CLASP2: variants seen among roughly 807,000 people sequenced by gnomAD.
CLASP2 encodes cytoplasmic linker associated protein 2.
A neutral mutation model predicts 194.4 loss-of-function variants in CLASP2; 47 were observed. The observed-to-expected ratio is 0.24, with a 90% CI of 0.19 to 0.31. CLASP2 has a LOEUF of 0.31. Ranked by LOEUF, CLASP2 falls within the 10% of genes least tolerant of loss-of-function variation. The pLI is 1.00. For missense variants in CLASP2, 1,445 were observed against 1,823.6 expected, an observed-to-expected ratio of 0.79 and a Z score of 3.78; for synonymous variants, 619 against 633.5, an observed-to-expected ratio of 0.98 and a Z score of 0.34.
chr3:33,559,090 A>T (rs4504126), intron 29 of CLASP2: 5 of 645,358 alleles, frequency 7.7e-6, no homozygotes, highest in South Asian at 6.4e-5. Context: ...AGTTAAGAAA[A>T]GAAATAATGC....
intron 13 of CLASP2, among the ~76,000 whole-genome samples, chr3:33,610,650 C>T (rs2074969940): frequency 1.3e-5 from 2 of 152,186 alleles, no homozygotes; most frequent in Admixed American, 1.3e-4. Context: ...TTGTGGACCA[C>T]ATACAGTCTC....
intron 33 of CLASP2, among the ~76,000 whole-genome samples, chr3:33,537,440 G>A (rs2057559319): frequency 6.6e-6 from 1 of 152,192 alleles, no homozygotes; most frequent in Admixed American, 6.5e-5. Flanking sequence ...ACAATGTTCT[G>A]TAACTTTGCA....
chr3:33,585,760 A>G (rs1383592553), intron 21 of CLASP2, among the ~76,000 whole-genome samples: 1 of 152,092 alleles, frequency 6.6e-6, no homozygotes, highest in South Asian at 2.1e-4. Context: ...GACTACTGTC[A>G]CATATGTGGT....
chr3:33,715,657 T>C (rs973352759), intron 1 of CLASP2, among the ~76,000 whole-genome samples: 1 of 152,062 alleles, frequency 6.6e-6, no homozygotes, highest in Non-Finnish European at 1.5e-5. Context: ...ATACCCAGCA[T>C]ACAGGAGGCA....
At chr3:33,560,334 C>G (rs753801753) in intron 28 of CLASP2, among the ~76,000 whole-genome samples, 2 of 151,940 alleles carry the variant, frequency 1.3e-5, no homozygotes, top group Non-Finnish European at 2.9e-5. Context: ...CCTCCACCTC[C>G]CAGGTTCAAG....
chr3:33,515,163 C>T (rs2050943765), intron 36 of CLASP2, among the ~76,000 whole-genome samples: 1 of 152,090 alleles, frequency 6.6e-6, no homozygotes, highest in Non-Finnish European at 1.5e-5. Context: ...TCAGAAATCA[C>T]CACTAAAGAA....
intron 7 of CLASP2, chr3:33,659,272 TATG>T: frequency 8.2e-7 from 1 of 1,218,698 alleles, no homozygotes; most frequent in Non-Finnish European, 1.0e-6. Flanking sequence ...GGATACAGGT[TATG>T]ATGTTTCTCC....
At chr3:33,528,329 C>T (rs2055188718) in intron 34 of CLASP2, among the ~76,000 whole-genome samples, 1 of 152,182 alleles carries the variant, frequency 6.6e-6, no homozygotes. Context: ...CCCACAGCAG[C>T]CAACATTATT....
At chr3:33,659,193 A>G in intron 7 of CLASP2, 1 of 1,356,076 alleles carries the variant, frequency 7.4e-7, no homozygotes, top group South Asian at 2.1e-5. Flanking sequence ...CTTGCTGAAA[A>G]CCCTCGTTTA....
intron 7 of CLASP2, among the ~76,000 whole-genome samples, chr3:33,660,439 A>G (rs941621466): frequency 1.3e-5 from 2 of 152,262 alleles, no homozygotes; most frequent in Non-Finnish European, 2.9e-5. Context: ...AACTCACTTA[A>G]TGACTGTTCA....
Position 33,607,360 on chromosome 3 carries a change from C to T in CLASP2, c.1526+24G>A, listed in dbSNP as rs371075368. 1.2e-5 allele frequency: 18 copies of T among 1,523,820 alleles called. No homozygotes were observed. The African/African-American group carries it at 1.8e-4, about 15-fold the overall frequency. 94.4% of individuals were successfully genotyped at this position (1,523,820 alleles called of 1,614,324 possible). ...TTTTTTAAAAAAGATTAAACTGTCA[C>T]AAAACTATACTACACTGACTTACTT... is the stretch of plus-strand genomic sequence containing the variant. On this transcript the variant is annotated intron_variant, in intron 15 of 38. Transcript: ENST00000682230.
chr3:33,684,290 C>T, intron 6 of CLASP2, 69 bp downstream of exon 6: 4 of 809,326 alleles, frequency 4.9e-6, no homozygotes, highest in East Asian at 2.8e-5. Flanking sequence ...TTGAAATACA[C>T]AAATAAAATG....
At chr3:33,670,328 G>A (rs188006963) in intron 6 of CLASP2, among the ~76,000 whole-genome samples, 2 of 152,298 alleles carry the variant, frequency 1.3e-5, no homozygotes, top group African/African-American at 2.4e-5. Context: ...TACTTCATCT[G>A]TGTGGTGGAT....
chr3:33,657,220 G>A (rs2084405799), intron 7 of CLASP2, among the ~76,000 whole-genome samples: 2 of 152,104 alleles, frequency 1.3e-5, no homozygotes, highest in African/African-American at 2.4e-5. Flanking sequence ...TATAGTGTAT[G>A]TGCACTGGAT....
chr3:33,556,361 T>A (rs1008604524), intron 29 of CLASP2, among the ~76,000 whole-genome samples: 3 of 152,156 alleles, frequency 2.0e-5, no homozygotes, highest in African/African-American at 7.2e-5. Context: ...ATTTTTGGCA[T>A]AAAGTATGGC....
At chr3:33,662,407 G>A (rs1197097308) in intron 7 of CLASP2, among the ~76,000 whole-genome samples, 2 of 152,156 alleles carry the variant, frequency 1.3e-5, no homozygotes, top group Admixed American at 6.5e-5. Flanking sequence ...AGAAAAATAA[G>A]GAGAAGATAC....
intron 6 of CLASP2, among the ~76,000 whole-genome samples, chr3:33,681,866 T>C (rs1429094753): frequency 6.6e-6 from 1 of 152,088 alleles, no homozygotes; most frequent in East Asian, 1.9e-4. Flanking sequence ...AATAGATTAA[T>C]GTCCTGTCCT....
intron 34 of CLASP2, among the ~76,000 whole-genome samples, chr3:33,525,637 C>T (rs1363483504): frequency 6.6e-6 from 1 of 152,186 alleles, no homozygotes; most frequent in Non-Finnish European, 1.5e-5. Flanking sequence ...CTCCACTAGC[C>T]TTCAGTCTGT....
intron 1 of CLASP2, among the ~76,000 whole-genome samples, chr3:33,708,732 G>A (rs572421391): frequency 6.6e-6 from 1 of 151,972 alleles, no homozygotes; most frequent in East Asian, 1.9e-4. Context: ...CAGAAGTGGA[G>A]CACATGGTAG....
Sources: allele counts gnomAD v4.1 joint callset (sites outside exome capture counted in the v4.1 genomes callset), GRCh38; gene constraint gnomAD v4.1.1; transcripts MANE v1.5; gene names NCBI Gene and HGNC (gene_info 2026-07-23, HGNC 2026-07-21).